MYLK: variants seen among roughly 807,000 people sequenced by gnomAD.
The protein encoded by MYLK is myosin light chain kinase, smooth muscle.
In MYLK, 106 loss-of-function variants were observed where a neutral mutation model predicts 203.4. That is an observed-to-expected ratio of 0.52 (90% confidence interval 0.45 to 0.61). MYLK has a LOEUF of 0.61. Among genes scored for constraint, MYLK ranks in the 20% least tolerant of loss-of-function variants. MYLK has a pLI of 0.00. For missense variants in MYLK, 2,072 were observed against 2,442.3 expected (o/e 0.85, Z 3.20); for synonymous variants, 867 against 959.5 (o/e 0.90, Z 1.78).
chr3:123,718,313 A>G lies in MYLK; in HGVS notation c.1804+3815T>C, dbSNP rs563665601. ...GTGCTCTCATCCATTCAGGGAATGC[A>G]TGCTCCCATGGCAGGCCTGGCTCTA... On this transcript the variant is annotated intron_variant, in intron 13 of 33. Transcript: ENST00000360304. Among the ~76,000 whole-genome samples, 23 of 152,294 alleles carry G rather than the reference A, an allele frequency of 1.5e-4. No homozygotes were observed. In the East Asian group the frequency reaches 3.7e-3, roughly 24 times the overall value.
intron 3 of MYLK, among the ~76,000 whole-genome samples, chr3:123,811,199 C>T (rs2065547810): frequency 6.6e-6 from 1 of 152,148 alleles, no homozygotes. Flanking sequence ...GTGCGTGTCC[C>T]CTCTCAACCC....
At chr3:123,813,814 T>C (rs2065646703) in intron 3 of MYLK, among the ~76,000 whole-genome samples, 1 of 152,110 alleles carries the variant, frequency 6.6e-6, no homozygotes, top group Admixed American at 6.5e-5. Flanking sequence ...CCCGGACAAT[T>C]CACGGCCTCT....
Position 123,733,993 on chromosome 3 carries a change from T to C in MYLK, c.1003A>G (p.Thr335Ala), listed in dbSNP as rs757891156. 9 of 1,613,976 alleles carry C rather than the reference T, an allele frequency of 5.6e-6. No homozygotes were observed. Among genetic ancestry groups the C allele is most frequent in the East Asian group, 4.5e-5 (2 of 44,872 alleles). ...CKDSPRTAPQTPVLQKTSSSI... is the reference protein window; with the variant it reads ...CKDSPRTAPQAPVLQKTSSSI... ...CTGGAAGTCTTCTGAAGGACCGGGG[T>C]CTGCGGGGCCGTTCTGGGCGAGTCC... The change falls in exon 10 of 34, where the codon ACC becomes GCC. Residue 335 changes from threonine to alanine, a missense_variant. Thr to Ala is a moderately conservative substitution (Grantham distance 58). Around this residue, in one of 3 missense-constraint regions of MYLK, gnomAD observed 683 missense variants for 643.8 expected, o/e 1.06. Coordinates refer to ENST00000360304, the MANE Select transcript of MYLK (RefSeq NM_053025.4).
At chr3:123,670,064 T>G (rs879481354) in intron 20 of MYLK, among the ~76,000 whole-genome samples, 1 of 126,360 alleles carries the variant, frequency 7.9e-6, no homozygotes, top group African/African-American at 3.0e-5. Flanking sequence ...AAAGCAAACA[T>G]AGTAAAATGT....
At chr3:123,877,576 C>G (rs1290703598) in intron 1 of MYLK, among the ~76,000 whole-genome samples, 5 of 152,170 alleles carry the variant, frequency 3.3e-5, no homozygotes, top group Non-Finnish European at 5.9e-5. Context: ...CTAAAACATA[C>G]TATTGGGTAA....
intron 3 of MYLK, among the ~76,000 whole-genome samples, chr3:123,822,604 C>T (rs1399271414): frequency 6.6e-6 from 1 of 152,192 alleles, no homozygotes; most frequent in East Asian, 1.9e-4. Context: ...CATCAGTGTC[C>T]CTGCTTCCTC....
chr3:123,764,817 T>C (rs1028584412), intron 4 of MYLK, among the ~76,000 whole-genome samples: 3 of 152,212 alleles, frequency 2.0e-5, no homozygotes, highest in African/African-American at 4.8e-5. Flanking sequence ...ACCCAGGCTC[T>C]GGAAGTATGT....
chr3:123,794,116 A>G (rs1242494880), intron 3 of MYLK, among the ~76,000 whole-genome samples: 1 of 152,242 alleles, frequency 6.6e-6, no homozygotes, highest in Non-Finnish European at 1.5e-5. Flanking sequence ...GGAACTTTCC[A>G]TCTTTTCACT....
intron 1 of MYLK, among the ~76,000 whole-genome samples, chr3:123,883,794 C>T (rs1198722655): frequency 6.6e-6 from 1 of 152,170 alleles, no homozygotes; most frequent in Non-Finnish European, 1.5e-5. Flanking sequence ...GGGCCGCCTT[C>T]CCCGCCCTAC....
intron 2 of MYLK, among the ~76,000 whole-genome samples, chr3:123,852,088 A>AT (rs746993589): frequency 2.0e-5 from 3 of 152,178 alleles, no homozygotes; most frequent in Non-Finnish European, 2.9e-5. Context: ...CATCTCAGGG[A>AT]TGAAGCCCAC....
Position 123,649,038 on chromosome 3 carries a change from G to T in MYLK, c.4348C>A (p.Arg1450=). 1 of 1,614,146 alleles carries T rather than the reference G, an allele frequency of 6.2e-7. No individual in the cohort carries two copies. The highest frequency in any genetic ancestry group is 8.5e-7 in the Non-Finnish European group (1 of 1,180,024). ...TGTTCAGTATTGATTGTCACTGTCC[G>T]GTAATCAACCTCGGGCTCCTTCTCA... is the stretch of plus-strand genomic sequence containing the variant. ...DDEKEPEVDY[R]TVTINTEQKV... The change falls in exon 26 of 34, where the codon CGG becomes AGG. Residue 1450 remains arginine, a synonymous_variant. Coordinates refer to ENST00000360304, the MANE Select transcript of MYLK (RefSeq NM_053025.4).
chr3:123,870,207 G>A (rs1215752744), intron 2 of MYLK, among the ~76,000 whole-genome samples: 1 of 152,214 alleles, frequency 6.6e-6, no homozygotes, highest in Non-Finnish European at 1.5e-5. Flanking sequence ...AAAGGACAGA[G>A]AGTAATTAGA....
In MYLK at chr3:123,647,292, G is replaced by A. The variant is rs142519520; in HGVS notation, c.4551C>T (p.His1517=). 1.2e-6 allele frequency: 2 copies of A among 1,614,112 alleles called. No individual in the cohort carries two copies. Among genetic ancestry groups the A allele is most frequent in the African/African-American group, 2.7e-5 (2 of 74,930 alleles). Residue 1517 remains histidine, a synonymous_variant, in exon 27 of 34, where the codon CAC becomes CAT. Coordinates refer to ENST00000360304, the MANE Select transcript of MYLK (RefSeq NM_053025.4). The stretch of plus-strand genomic sequence containing the variant: ...CCACACACTGGACCAGCTTAGGGTG[G>A]TGGAGGCAGTTCATGATGCTAATCT... ...RQEISIMNCL[H]HPKLVQCVDA... is the part of the protein sequence containing the mutation.
In MYLK at chr3:123,626,831, C is replaced by T; in HGVS notation, c.5225G>A (p.Arg1742Lys). 2 of 1,614,250 alleles carry T rather than the reference C, an allele frequency of 1.2e-6. No homozygotes were observed. Among genetic ancestry groups the T allele is most frequent in the Non-Finnish European group, 1.7e-6 (2 of 1,180,034 alleles). ...CCCTCTCATTACCTGCCATTTCCTT[C>T]TTGCCATGTACTTCTTCATCCGGTC... ...SKDRMKKYMARRKWQKTGNAV... is the reference protein window; with the variant it reads ...SKDRMKKYMAKRKWQKTGNAV... Residue 1742 changes from arginine to lysine, a missense_variant, in exon 31 of 34, where the codon AGA (arginine) becomes AAA (lysine). Physicochemically the swap from Arg to Lys is conservative, Grantham distance 26 (BLOSUM62 2). Coordinates refer to ENST00000360304, the MANE Select transcript of MYLK (RefSeq NM_053025.4).
chr3:123,621,652 A>G (rs138447836), intron 31 of MYLK: 155 of 152,360 alleles, frequency 1.0e-3, no homozygotes, highest in African/African-American at 3.4e-3. Flanking sequence ...GAGGAGACCT[A>G]CTGCAGTGAG....
At chr3:123,657,501 T>C (rs1020954512) in intron 23 of MYLK, 73 bp from the exon 24 acceptor site, 17 of 1,501,100 alleles carry the variant, frequency 1.1e-5, no homozygotes, top group Non-Finnish European at 1.6e-5. Flanking sequence ...GAATTACCTG[T>C]GTCATGGGGG....
At chr3:123,697,440 G>A (rs2060976097) in intron 18 of MYLK, among the ~76,000 whole-genome samples, 1 of 152,212 alleles carries the variant, frequency 6.6e-6, no homozygotes, top group African/African-American at 2.4e-5. Context: ...AAATCGAGGA[G>A]TAAATAGTCA....
At chr3:123,698,410 G>A (rs1253067894) in intron 18 of MYLK, among the ~76,000 whole-genome samples, 1 of 152,220 alleles carries the variant, frequency 6.6e-6, no homozygotes, top group African/African-American at 2.4e-5. Context: ...CCTGCATCCT[G>A]CCTGGAGAGA....
intron 31 of MYLK, 79 bp from the exon 32 acceptor site, chr3:123,620,415 G>T: frequency 6.2e-7 from 1 of 1,606,784 alleles, no homozygotes. Context: ...GCAGGGAGTA[G>T]AGCCCAGCCC....
Sources: allele counts gnomAD v4.1 joint callset (sites outside exome capture counted in the v4.1 genomes callset), GRCh38; gene constraint gnomAD v4.1.1; regional missense constraint gnomAD v4.1.1; transcripts MANE v1.5; gene names NCBI Gene and HGNC (gene_info 2026-07-23, HGNC 2026-07-21).